Variants in PTGER4 observed in about 807,000 individuals in gnomAD.
PTGER4 encodes the protein prostaglandin E receptor 4, also known as prostaglandin E2 receptor EP4 subtype.
Under a neutral mutation model 33.2 loss-of-function variants are expected in PTGER4, and 11 were observed. The observed-to-expected ratio is 0.33, with a 90% CI of 0.21 to 0.55. PTGER4 has a LOEUF of 0.55. Ranked by LOEUF, PTGER4 falls within the 20% of genes least tolerant of loss-of-function variation. PTGER4 has a pLI of 0.92. For synonymous variants in PTGER4, 275 were observed against 281.5 expected, an observed-to-expected ratio of 0.98 and a Z score of 0.23; for missense variants, 481 against 650.2, an observed-to-expected ratio of 0.74 and a Z score of 2.83.
chr5:40,730,114 C>T, the PTGER4 span: 18 of 606,410 alleles, frequency 3.0e-5, no homozygotes, highest in Non-Finnish European at 4.2e-5. Flanking sequence ...AAGACAGAAC[C>T]ATAAATAATG....
chr5:40,692,068 A>G lies in PTGER4; in HGVS notation c.1157A>G (p.Lys386Arg), dbSNP rs768462203. The G allele has an allele frequency of 5.0e-6, 8 of 1,614,206 alleles. No homozygotes were observed. The African/African-American group carries it at 1.1e-4, about 22-fold the overall frequency. The change falls in exon 3 of 3, where the codon AAG becomes AGG. Residue 386 changes from lysine to arginine, a missense_variant. Physicochemically the swap from Lys to Arg is conservative, Grantham distance 26 (BLOSUM62 2). Transcript: ENST00000302472. Reference protein sequence around the residue: ...HSRSFISRELKEISSTSQTLL... With the variant: ...HSRSFISRELREISSTSQTLL... Reference sequence around the variant, plus strand: ...CGCTCCTTCATCTCCCGGGAGCTGAAGGAGATCAGCAGTACATCTCAGACC... The same window carrying G: ...CGCTCCTTCATCTCCCGGGAGCTGAGGGAGATCAGCAGTACATCTCAGACC...
chr5:40,696,060 C>T (rs530770399), downstream of PTGER4, among the ~76,000 whole-genome samples: 3 of 151,982 alleles, frequency 2.0e-5, no homozygotes, highest in South Asian at 2.1e-4. Context: ...ACGTACTCCC[C>T]GAATCTAAAA....
Position 40,692,839 on chromosome 5 carries a change from GTATT to G in PTGER4, c.*464_*467del. 2.0e-6 allele frequency: 2 copies of G among 984,824 alleles called. No homozygotes were observed. Among genetic ancestry groups the G allele is most frequent in the Non-Finnish European group, 2.4e-6 (2 of 828,890 alleles). The allele number at this position is 984,824 out of a possible 1,614,324, so 61.0% of individuals were successfully genotyped here. A position where few individuals can be genotyped will look rare whatever the true frequency, so the allele number is the denominator to read the frequency against. On this transcript the variant is annotated 3_prime_UTR_variant, in exon 3 of 3. Transcript: ENST00000302472. Reference sequence around the variant, plus strand: ...TTTATTGTTGTACATACGATTTAAGGTATTTAAAGTATTTTCTTCTCTGTGAGAA... The same window carrying G: ...TTTATTGTTGTACATACGATTTAAGGTAAAGTATTTTCTTCTCTGTGAGAA...
rs772310956 is a variant in PTGER4, at chr5:40,681,716, C to T, written c.723C>T (p.His241=). The stretch of plus-strand genomic sequence containing the variant: ...CCGCCTCGGTTGCCTCCCGGGGCCA[C>T]CCCGCTGCCTCCCCAGCCTTGCCGC... ...AAAASVASRG[H]PAASPALPRL... is the part of the protein sequence containing the mutation. The change falls in exon 2 of 3, where the codon CAC becomes CAT. Residue 241 remains histidine, a synonymous_variant. Coordinates refer to ENST00000302472, the MANE Select transcript of PTGER4 (RefSeq NM_000958.3). This position sits in a 1 kb window ranked among gnomAD's most constrained non-coding sequence, Gnocchi z 9.8. The T allele has an allele frequency of 1.9e-6, 3 of 1,591,690 alleles. No homozygotes were observed. The South Asian group carries it at 3.3e-5, about 18-fold the overall frequency.
chr5:40,729,833 G>C, the PTGER4 span, among the ~76,000 whole-genome samples: 1 of 152,098 alleles, frequency 6.6e-6, no homozygotes. Flanking sequence ...CAAGTAGCTG[G>C]GACTACAGGC....
At chr5:40,739,027 A>G in the PTGER4 span, among the ~76,000 whole-genome samples, 1 of 152,166 alleles carries the variant, frequency 6.6e-6, no homozygotes, top group East Asian at 1.9e-4. Context: ...TAAGCCTTTT[A>G]AAAACCAGAA....
chr5:40,697,062 AAAG>A (rs1182778323), downstream of PTGER4, among the ~76,000 whole-genome samples: 20 of 78,942 alleles, frequency 2.5e-4, no homozygotes, highest in South Asian at 2.5e-3. Context: ...GAAAGAAAGA[AAAG>A]AAAGAAAGGA....
chr5:40,726,035 T>C, the PTGER4 span, among the ~76,000 whole-genome samples: 3 of 151,780 alleles, frequency 2.0e-5, no homozygotes, highest in Admixed American at 6.6e-5. Flanking sequence ...TCCGCCCGCC[T>C]CGGCCTCCCA....
At position 40,692,129 on chromosome 5, in the gene PTGER4, A is replaced by G; in HGVS notation, c.1218A>G (p.Glu406=). The part of the protein sequence containing the change: ...LPDLSLPDLS[E]NGLGGRNLLP... Reference sequence around the variant, plus strand: ...ACCTCTCACTGCCAGACCTCAGTGAAAATGGCCTTGGAGGCAGGAATTTGC... The same window carrying G: ...ACCTCTCACTGCCAGACCTCAGTGAGAATGGCCTTGGAGGCAGGAATTTGC... Residue 406 remains glutamate (E), a synonymous_variant, in exon 3 of 3, where the codon GAA becomes GAG. Transcript: ENST00000302472. 1 of 1,614,242 alleles carries G rather than the reference A, an allele frequency of 6.2e-7. No individual in the cohort carries two copies. The highest frequency in any genetic ancestry group is 8.5e-7 in the Non-Finnish European group (1 of 1,180,050).
downstream of PTGER4, among the ~76,000 whole-genome samples, chr5:40,698,092 C>CA (rs1156254550): frequency 0.33 from 13,015 of 39,966 alleles, 2,788 homozygotes; most frequent in Non-Finnish European, 0.36. Flanking sequence ...CCTGTCTCTA[C>CA]AAAAAAAAAA....
At chr5:40,731,959 A>G in the PTGER4 span, among the ~76,000 whole-genome samples, 1 of 152,242 alleles carries the variant, frequency 6.6e-6, no homozygotes, top group South Asian at 2.1e-4. Context: ...ACATACAATT[A>G]TTTTCCCAAA....
intron 2 of PTGER4, among the ~76,000 whole-genome samples, chr5:40,688,916 C>T (rs1247179920): frequency 6.6e-6 from 1 of 152,162 alleles, no homozygotes; most frequent in Non-Finnish European, 1.5e-5. Context: ...TTAATTTCAT[C>T]TTGGTTAGAG....
chr5:40,695,343 G>C (rs1006399708), downstream of PTGER4, among the ~76,000 whole-genome samples: 1 of 152,132 alleles, frequency 6.6e-6, no homozygotes, highest in Admixed American at 6.5e-5. Flanking sequence ...AGGAGTTTAA[G>C]ACCAGCCTGG....
intron 2 of PTGER4, among the ~76,000 whole-genome samples, chr5:40,688,245 A>C (rs971311611): frequency 1.3e-5 from 2 of 152,222 alleles, no homozygotes; most frequent in Admixed American, 6.5e-5. Context: ...CTTAACCAAA[A>C]TTCTGTTCTG....
the PTGER4 span, chr5:40,714,686 T>A: frequency 6.6e-6 from 1 of 152,240 alleles, no homozygotes; most frequent in Non-Finnish European, 1.5e-5. Flanking sequence ...TGATATAACT[T>A]AAGGAAAGAA....
the PTGER4 span, among the ~76,000 whole-genome samples, chr5:40,702,658 A>G: frequency 6.6e-6 from 1 of 152,354 alleles, no homozygotes; most frequent in Non-Finnish European, 1.5e-5. Flanking sequence ...ACTGGACCAA[A>G]TGGATCTGAT....
At position 40,683,156 on chromosome 5, in the gene PTGER4, C is replaced by A. The variant is rs183088494; in HGVS notation, c.867+1296C>A. On this transcript the variant is annotated intron_variant, in intron 2 of 2. Transcript: ENST00000302472. The surrounding 1 kb of genome is among the most constrained non-coding windows in gnomAD (Gnocchi z 4.2). ...TGCTTTTTCTTATGCTTGTTGGGAACAAGAGAATATAAAATGTAATGGGCT... is the reference window on the plus strand; with the variant it reads ...TGCTTTTTCTTATGCTTGTTGGGAAAAAGAGAATATAAAATGTAATGGGCT... Among the ~76,000 whole-genome samples, 286 of 152,272 alleles carry A rather than the reference C, an allele frequency of 1.9e-3. 2 individuals carry two copies. In the Middle Eastern group the frequency reaches 0.027, roughly 14 times the overall value.
the PTGER4 span, among the ~76,000 whole-genome samples, chr5:40,704,849 C>T: frequency 3.9e-5 from 6 of 152,224 alleles, no homozygotes; most frequent in South Asian, 8.3e-4. Context: ...AGAAAAACAT[C>T]TCATGCTCAT....
In PTGER4 at chr5:40,692,227, C is replaced by T. The variant is rs1321402083; in HGVS notation, c.1316C>T (p.Thr439Ile). Reference sequence around the variant, plus strand: ...CTGAGGACTTTGCGAATATCAGAGACCTCAGACTCTTCACAGGGTCAGGAC... The same window carrying T: ...CTGAGGACTTTGCGAATATCAGAGATCTCAGACTCTTCACAGGGTCAGGAC... The part of the protein sequence containing the change: ...TSLRTLRISE[T>I]SDSSQGQDSE... The change falls in exon 3 of 3, where the codon ACC becomes ATC. Residue 439 changes from threonine to isoleucine, a missense_variant. Thr to Ile is a moderately conservative substitution (Grantham distance 89). Around this residue, in one of 7 missense-constraint regions of PTGER4, gnomAD observed 172 missense variants for 199.2 expected, o/e 0.86. Coordinates refer to ENST00000302472, the MANE Select transcript of PTGER4 (RefSeq NM_000958.3). The T allele has an allele frequency of 6.2e-7, 1 of 1,614,224 alleles. No homozygotes were observed. Among genetic ancestry groups the T allele is most frequent in the Admixed American group, 1.7e-5 (1 of 60,032 alleles).
Sources: gnomAD v4.1 joint callset for allele counts (sites outside exome capture counted in the v4.1 genomes callset) on GRCh38, gnomAD v4.1.1 for gene constraint, gnomAD v4.1.1 regional missense constraint, Gnocchi (gnomAD v3.1) non-coding constraint, MANE v1.5 for transcripts, NCBI Gene and HGNC (gene_info 2026-07-23, HGNC 2026-07-21) for gene names.